The following SNX31 variants were observed in gnomAD, a reference collection of about 807,000 sequenced individuals.
SNX31 encodes the protein sorting nexin 31.
SNX31 carries 58 observed loss-of-function variants against 65.4 expected under a neutral mutation model. The ratio of observed to expected loss-of-function variants is 0.89; its 90% CI spans 0.72 to 1.10. The LOEUF is 1.10. Among genes scored for constraint, SNX31 ranks in the 50% least tolerant of loss-of-function variants. SNX31 has a pLI of 0.00. For synonymous variants in SNX31, 181 were observed against 190.1 expected (o/e 0.95, Z 0.39); for missense variants, 523 against 529.7 (o/e 0.99, Z 0.12).
At chr8:100,608,333 C>CT (rs1439634569) in intron 8 of SNX31, among the ~76,000 whole-genome samples, 161 bp downstream of exon 8, 2 of 152,040 alleles carry the variant, frequency 1.3e-5, no homozygotes, top group African/African-American at 4.8e-5. Context: ...TTCTCCACCC[C>CT]CCACAGCCCC....
rs183998158 is a variant in SNX31 at position 100,630,269 on chromosome 8, G to T, written c.321+58C>A. On this transcript the variant is annotated intron_variant, in intron 4 of 13. Transcript: ENST00000311812. This position sits in a 1 kb window ranked among gnomAD's most constrained non-coding sequence, Gnocchi z 5.3. ...ACATGTGTGTGTACCTGCACACTTG[G>T]TTCATGAAGAGTGTCCTGCAGAGGA... is the stretch of plus-strand genomic sequence containing the variant. 250 of 1,537,396 alleles carry T rather than the reference G, an allele frequency of 1.6e-4. No homozygotes were observed. The African/African-American group carries it at 3.0e-3, about 19-fold the overall frequency.
intron 4 of SNX31, among the ~76,000 whole-genome samples, chr8:100,619,633 C>T (rs948256771): frequency 1.3e-5 from 2 of 152,220 alleles, no homozygotes; most frequent in Non-Finnish European, 2.9e-5. Context: ...CCTTGCAGGG[C>T]AGCGATCTGG....
In SNX31 at chr8:100,588,264, G is replaced by A. The variant is rs1814234772; in HGVS notation, c.1092+602C>T. Among the ~76,000 whole-genome samples, 1 of 152,160 alleles carries A rather than the reference G, an allele frequency of 6.6e-6. No homozygotes were observed. On this transcript the variant is annotated intron_variant, in intron 11 of 13. Transcript: ENST00000311812. This position sits in a 1 kb window ranked among gnomAD's most constrained non-coding sequence, Gnocchi z 4.8. ...TCAAGATTTAAAAAAATCTGCAATT[G>A]GAAACAATTCTGGTGCTAAGCATTT...
intron 2 of SNX31, among the ~76,000 whole-genome samples, chr8:100,647,548 A>G (rs1819721271): frequency 6.6e-6 from 1 of 152,208 alleles, no homozygotes; most frequent in South Asian, 2.1e-4. Context: ...TCTTGAGTCC[A>G]CAAATGTTTG....
Position 100,588,872 on chromosome 8 carries a change from G to C in SNX31, c.1086C>G (p.Thr362=). 1 of 1,611,030 alleles carries C rather than the reference G, an allele frequency of 6.2e-7. No homozygotes were observed. The highest frequency in any genetic ancestry group is 8.5e-7 in the Non-Finnish European group (1 of 1,177,342). ...GTCTGCCCTGAGAACTCACCTGTTTGGTGTAAATAACAAACCACTGCCAGC... is the reference window on the plus strand; with the variant it reads ...GTCTGCCCTGAGAACTCACCTGTTTCGTGTAAATAACAAACCACTGCCAGC... ...DSCWQWFVIY[T]KQAFLLSSCL... Residue 362 remains threonine, a synonymous_variant, in exon 11 of 14, where the codon ACC becomes ACG. Coordinates refer to ENST00000311812, the MANE Select transcript of SNX31 (RefSeq NM_152628.4). This position sits in a 1 kb window ranked among gnomAD's most constrained non-coding sequence, Gnocchi z 4.8.
intron 4 of SNX31, among the ~76,000 whole-genome samples, chr8:100,623,858 G>A (rs372777586): frequency 5.3e-5 from 8 of 152,158 alleles, no homozygotes; most frequent in African/African-American, 7.2e-5. Flanking sequence ...AGATCATCTC[G>A]AAGGGAAAGA....
At chr8:100,647,354 A>G (rs536615426) in intron 2 of SNX31, among the ~76,000 whole-genome samples, 9 of 152,348 alleles carry the variant, frequency 5.9e-5, no homozygotes, top group South Asian at 2.1e-4. Flanking sequence ...AAAGGCCCCA[A>G]TAGTAAATAA....
rs566389370 is a variant in SNX31 at position 100,582,744 on chromosome 8, G to A, written c.1170+1367C>T. The stretch of plus-strand genomic sequence containing the variant: ...TGTAATCCCAGCACTTTAGGAGGCC[G>A]AGGCGGGCGGATCATGAGGTCAGGA... On this transcript the variant is annotated intron_variant, in intron 12 of 13. Transcript: ENST00000311812. 9.9e-5 allele frequency among the ~76,000 whole-genome samples: 15 copies of A among 152,102 alleles called. No homozygotes were observed. In the South Asian group the frequency reaches 1.2e-3, roughly 13 times the overall value.
intron 8 of SNX31, among the ~76,000 whole-genome samples, chr8:100,601,475 G>A (rs1473336810): frequency 1.3e-5 from 2 of 152,138 alleles, no homozygotes; most frequent in Non-Finnish European, 1.5e-5. Flanking sequence ...GGAAATGGAT[G>A]TGCAAATACA....
chr8:100,605,047 C>T (rs377736729), intron 8 of SNX31, among the ~76,000 whole-genome samples: 4 of 152,040 alleles, frequency 2.6e-5, no homozygotes, highest in Non-Finnish European at 4.4e-5. Context: ...TACAGGCGTG[C>T]GCCACCGTGC....
chr8:100,591,371 C>T (rs1267533807), intron 10 of SNX31, among the ~76,000 whole-genome samples: 1 of 151,782 alleles, frequency 6.6e-6, no homozygotes, highest in Non-Finnish European at 1.5e-5. Flanking sequence ...CGCCTGTAGT[C>T]GTAGCTACTC....
At chr8:100,636,850 T>C (rs1403135099) in intron 2 of SNX31, among the ~76,000 whole-genome samples, 1 of 152,070 alleles carries the variant, frequency 6.6e-6, no homozygotes, top group Non-Finnish European at 1.5e-5. Context: ...GCCTCCCGAG[T>C]AGCTGGGGTT....
chr8:100,617,823 GGC>G, intron 4 of SNX31, 93 bp from the exon 5 acceptor site: 1 of 995,694 alleles, frequency 1.0e-6, no homozygotes, highest in Non-Finnish European at 1.5e-6. Context: ...GGAGTGCAAT[GGC>G]GTGATCTTGG....
intron 4 of SNX31, among the ~76,000 whole-genome samples, chr8:100,623,960 A>AT (rs948593892): frequency 4.0e-5 from 4 of 99,236 alleles, no homozygotes; most frequent in Admixed American, 1.3e-4. Context: ...ACAACTAAGC[A>AT]TTTTTTTTTC....
chr8:100,642,347 G>A lies in SNX31; in HGVS notation c.142-6336C>T, dbSNP rs943354840. 3.9e-5 allele frequency among the ~76,000 whole-genome samples: 5 copies of A among 127,804 alleles called. No homozygotes were observed. The East Asian group carries it at 6.1e-4, about 16-fold the overall frequency. The allele number at this position is 127,804 out of a possible 152,430, so 83.8% of individuals were successfully genotyped here. On this transcript the variant is annotated intron_variant, in intron 2 of 13. Transcript: ENST00000311812. The stretch of plus-strand genomic sequence containing the variant: ...CCATTGTCTTCATTGGCATGTGTTC[G>A]TAAATGTCGCAGATGTTCCCGAATC...
chr8:100,591,454 A>C (rs1347137014), intron 10 of SNX31, among the ~76,000 whole-genome samples: 3 of 144,336 alleles, frequency 2.1e-5, no homozygotes, highest in African/African-American at 7.9e-5. Context: ...GCGCCACTGC[A>C]CTCCAGCCTG....
At position 100,649,458 on chromosome 8, in the gene SNX31, GC is replaced by G; in HGVS notation, c.56del (p.Gly19AlafsTer30). ...CCAGCCCTGGGCGCACCACGTAGCGGCCCCCCAGCGCGTCGGACCGCTGCTG... is the reference window on the plus strand; with the variant it reads ...CCAGCCCTGGGCGCACCACGTAGCGGCCCCCAGCGCGTCGGACCGCTGCTG... ...VSQQRSDALGGRYVLYSVHLD... is the reference protein window; with the variant it reads ...VSQQRSDALGXRYVLYSVHLD... On this transcript the variant is annotated frameshift_variant, in exon 1 of 14. Coordinates refer to ENST00000311812, the MANE Select transcript of SNX31 (RefSeq NM_152628.4). LOFTEE classifies it high-confidence loss of function. The G allele has an allele frequency of 1.3e-6, 2 of 1,587,604 alleles. No homozygotes were observed. The highest frequency in any genetic ancestry group is 1.7e-6 in the Non-Finnish European group (2 of 1,167,604).
Position 100,604,943 on chromosome 8 carries a change from A to C in SNX31, c.681+3551T>G, listed in dbSNP as rs1305443746. On this transcript the variant is annotated intron_variant, in intron 8 of 13. Transcript: ENST00000311812. This position sits in a 1 kb window ranked among gnomAD's most constrained non-coding sequence, Gnocchi z 4.3. Reference sequence around the variant, plus strand: ...TGACAGAGTCTCGTGCTGTCACCCAAGCAGGAGTACAGTGACATATTCTTG... The same window carrying C: ...TGACAGAGTCTCGTGCTGTCACCCACGCAGGAGTACAGTGACATATTCTTG... Among the ~76,000 whole-genome samples, 1 of 151,946 alleles carries C rather than the reference A, an allele frequency of 6.6e-6. No homozygotes were observed. Among genetic ancestry groups the C allele is most frequent in the African/African-American group, 2.4e-5 (1 of 41,360 alleles).
Position 100,614,104 on chromosome 8 carries a change from T to C in SNX31, c.433-1019A>G, listed in dbSNP as rs1816962462. ...CTGGTATGAGTGGGTGTTCTCAGCA[T>C]AGCTTTGAAAATAAAGAGCAGCTGA... On this transcript the variant is annotated intron_variant, in intron 5 of 13. Transcript: ENST00000311812. The surrounding 1 kb of genome is among the most constrained non-coding windows in gnomAD (Gnocchi z 5.1). Among the ~76,000 whole-genome samples the C allele has an allele frequency of 6.6e-6, 1 of 152,214 alleles. No homozygotes were observed. The highest frequency in any genetic ancestry group is 2.1e-4 in the South Asian group (1 of 4,828).
Sources: gnomAD v4.1 joint callset for allele counts (sites outside exome capture counted in the v4.1 genomes callset) on GRCh38, gnomAD v4.1.1 for gene constraint, Gnocchi (gnomAD v3.1) non-coding constraint, MANE v1.5 for transcripts, NCBI Gene and HGNC (gene_info 2026-07-23, HGNC 2026-07-21) for gene names.